Variants in DCPS observed in about 807,000 individuals in gnomAD.
DCPS encodes m7GpppX diphosphatase.
Under a neutral mutation model 34.7 loss-of-function variants are expected in DCPS, and 27 were observed. That is an observed-to-expected ratio of 0.78 (90% CI 0.57 to 1.07). The LOEUF is 1.07. Among genes scored for constraint, DCPS ranks in the 50% least tolerant of loss-of-function variants. The probability of loss-of-function intolerance (pLI) is 0.00; values close to 1 mark genes in which losing one functional copy is unlikely to be tolerated. For missense variants in DCPS, 464 were observed against 436.9 expected, an observed-to-expected ratio of 1.06 and a Z score of -0.55; for synonymous variants, 185 against 185.7, an observed-to-expected ratio of 1.00 and a Z score of 0.03.
chr11:126,337,231 A>C lies in DCPS; in HGVS notation c.523-1055A>C, dbSNP rs558300393. 1 of 152,208 alleles carries C rather than the reference A, an allele frequency of 6.6e-6. No homozygotes were observed. Among genetic ancestry groups the C allele is most frequent in the African/African-American group, 2.4e-5 (1 of 41,512 alleles). 9.4% of individuals were successfully genotyped at this position (152,208 alleles called of 1,614,324 possible). A position where few individuals can be genotyped will look rare whatever the true frequency, so the allele number is the denominator to read the frequency against. On this transcript the variant is annotated intron_variant, in intron 3 of 5. Coordinates refer to ENST00000263579, the MANE Select transcript of DCPS (RefSeq NM_014026.6). The surrounding 1 kb of genome is among the most constrained non-coding windows in gnomAD (Gnocchi z 5.3). ...ATCAGTGAGCTCGGAGACCATTCTGACTGTGAGGAGGAAGGGGCAGTAGTA... is the reference window on the plus strand; with the variant it reads ...ATCAGTGAGCTCGGAGACCATTCTGCCTGTGAGGAGGAAGGGGCAGTAGTA...
chr11:126,344,339 TG>T lies in DCPS; in HGVS notation c.747+923del, dbSNP rs1262031257. Among the ~76,000 whole-genome samples, 2 of 152,168 alleles carry T rather than the reference TG, an allele frequency of 1.3e-5. No homozygotes were observed. Among genetic ancestry groups the T allele is most frequent in the Non-Finnish European group, 2.9e-5 (2 of 68,030 alleles). Reference sequence around the variant, plus strand: ...CTGCCTTTATCTTTGTGGGGTGACTTGTTCAGATCCTGAAGCAGTCTCTGGA... The same window carrying T: ...CTGCCTTTATCTTTGTGGGGTGACTTTTCAGATCCTGAAGCAGTCTCTGGA... On this transcript the variant is annotated intron_variant, in intron 5 of 5. Coordinates refer to ENST00000263579, the MANE Select transcript of DCPS (RefSeq NM_014026.6). This position sits in a 1 kb window ranked among gnomAD's most constrained non-coding sequence, Gnocchi z 8.1.
rs1951840080 is a variant in DCPS, at chr11:126,337,363, C to G, written c.523-923C>G. On this transcript the variant is annotated intron_variant, in intron 3 of 5. Coordinates refer to ENST00000263579, the MANE Select transcript of DCPS (RefSeq NM_014026.6). The surrounding 1 kb of genome is among the most constrained non-coding windows in gnomAD (Gnocchi z 5.3). ...TCATGTTTGCAAAGGGCCCTGAGAG[C>G]CGGGGGAAGTAGAGGAGAGCTGGGG... is the stretch of plus-strand genomic sequence containing the variant. 1 of 152,400 alleles carries G rather than the reference C, an allele frequency of 6.6e-6. No individual in the cohort carries two copies. Among genetic ancestry groups the G allele is most frequent in the African/African-American group, 2.4e-5 (1 of 41,440 alleles). The allele number at this position is 152,400 out of a possible 1,614,324, so 9.4% of individuals were successfully genotyped here. A position where few individuals can be genotyped will look rare whatever the true frequency, so the allele number is the denominator to read the frequency against.
intron 4 of DCPS, among the ~76,000 whole-genome samples, chr11:126,339,441 C>G (rs1490343055): frequency 6.6e-6 from 1 of 152,186 alleles, no homozygotes; most frequent in Non-Finnish European, 1.5e-5. Flanking sequence ...CCTATGACAC[C>G]TTCAGTTTTG....
At chr11:126,310,567 T>C (rs1301998031) in intron 2 of DCPS, among the ~76,000 whole-genome samples, 1 of 152,218 alleles carries the variant, frequency 6.6e-6, no homozygotes, top group African/African-American at 2.4e-5. Context: ...GTTGGAGCCA[T>C]GTCGCCCATA....
chr11:126,331,629 T>C lies in DCPS; in HGVS notation c.522+79T>C. The C allele has an allele frequency of 6.4e-7, 1 of 1,553,486 alleles. No homozygotes were observed. The highest frequency in any genetic ancestry group is 8.7e-7 in the Non-Finnish European group (1 of 1,147,394). On this transcript the variant is annotated intron_variant, in intron 3 of 5. Transcript: ENST00000263579. This position sits in a 1 kb window ranked among gnomAD's most constrained non-coding sequence, Gnocchi z 7.2. ...CTCTTACGAGTGTCTATTGGGGTCA[T>C]ATTAGGGGCCAGGCGCTGTGCTGGG...
chr11:126,343,584 C>T (rs975629279), intron 5 of DCPS, among the ~76,000 whole-genome samples, 167 bp downstream of exon 5: 1 of 152,150 alleles, frequency 6.6e-6, no homozygotes, highest in Non-Finnish European at 1.5e-5. Flanking sequence ...AAGAGCAGGG[C>T]TCTTTGTCCC....
chr11:126,304,333 C>G (rs779494449), intron 1 of DCPS, 52 bp downstream of exon 1: 2 of 1,590,812 alleles, frequency 1.3e-6, no homozygotes, highest in Non-Finnish European at 1.7e-6. Flanking sequence ...AACCAATCAT[C>G]GCCTCGGAGG....
chr11:126,326,552 TTAAAAAAAATTTTCCTAC>T (rs1339879988), intron 2 of DCPS, among the ~76,000 whole-genome samples: 2 of 152,154 alleles, frequency 1.3e-5, no homozygotes, highest in Non-Finnish European at 2.9e-5. Context: ...TATTGACACC[TTAAAAAAAATTTTCCTAC>T]TAAAAAAAAT....
At position 126,344,599 on chromosome 11, in the gene DCPS, TTTCTC is replaced by T. The variant is rs1951902978; in HGVS notation, c.748-744_748-740del. Among the ~76,000 whole-genome samples the T allele has an allele frequency of 1.3e-5, 2 of 152,122 alleles. No individual in the cohort carries two copies. The highest frequency in any genetic ancestry group is 4.8e-5 in the African/African-American group (2 of 41,408). On this transcript the variant is annotated intron_variant, in intron 5 of 5. Transcript: ENST00000263579. This position sits in a 1 kb window ranked among gnomAD's most constrained non-coding sequence, Gnocchi z 8.1. ...CTGAGCCCACTGAGGCCCTAGTACTTTTCTCTTCACCTCTGACCACCTCAGGGATT... is the reference window on the plus strand; with the variant it reads ...CTGAGCCCACTGAGGCCCTAGTACTTTTCACCTCTGACCACCTCAGGGATT...
In DCPS at chr11:126,313,773, G is replaced by A. The variant is rs1382405129; in HGVS notation, c.376+7029G>A. 6.6e-6 allele frequency among the ~76,000 whole-genome samples: 1 copy of A among 152,132 alleles called. No homozygotes were observed. The highest frequency in any genetic ancestry group is 6.5e-5 in the Admixed American group (1 of 15,280). On this transcript the variant is annotated intron_variant, in intron 2 of 5. Coordinates refer to ENST00000263579, the MANE Select transcript of DCPS (RefSeq NM_014026.6). This position sits in a 1 kb window ranked among gnomAD's most constrained non-coding sequence, Gnocchi z 4.9. ...ATGTTAAAATTTCTGGTTATATTCTGTTTCTTGGATTGTGTGTTCTGAGCA... is the reference window on the plus strand; with the variant it reads ...ATGTTAAAATTTCTGGTTATATTCTATTTCTTGGATTGTGTGTTCTGAGCA...
rs531660487 is a variant in DCPS, at chr11:126,325,246, T to C, written c.377-6159T>C. ...ATGACTTATTCCATACACCAAAAAT[T>C]ATGCTGAAGAGAAGAAAATAATCAC... On this transcript the variant is annotated intron_variant, in intron 2 of 5. Coordinates refer to ENST00000263579, the MANE Select transcript of DCPS (RefSeq NM_014026.6). The surrounding 1 kb of genome is among the most constrained non-coding windows in gnomAD (Gnocchi z 4.3). 2.0e-5 allele frequency among the ~76,000 whole-genome samples: 3 copies of C among 152,240 alleles called. No individual in the cohort carries two copies. The highest frequency in any genetic ancestry group is 7.2e-5 in the African/African-American group (3 of 41,548).
chr11:126,346,452 G>A lies in DCPS; in HGVS notation c.*839G>A, dbSNP rs954506635. ...CAGAGGCAGATGTTCAGAGGATCTT[G>A]AGACCAGGAAGGGACCTCAAAGCGT... On this transcript the variant is annotated 3_prime_UTR_variant, in exon 6 of 6. Coordinates refer to ENST00000263579, the MANE Select transcript of DCPS (RefSeq NM_014026.6). This position sits in a 1 kb window ranked among gnomAD's most constrained non-coding sequence, Gnocchi z 4.1. Among the ~76,000 whole-genome samples the A allele has an allele frequency of 1.3e-5, 2 of 152,248 alleles. No individual in the cohort carries two copies. The highest frequency in any genetic ancestry group is 4.8e-5 in the African/African-American group (2 of 41,470).
rs185808365 is a variant in DCPS, at chr11:126,327,710, T to A, written c.377-3695T>A. On this transcript the variant is annotated intron_variant, in intron 2 of 5. Transcript: ENST00000263579. The surrounding 1 kb of genome is among the most constrained non-coding windows in gnomAD (Gnocchi z 4.1). ...AATATATTGATTTGTATCAGAGAGGTTTTATTTCATCTGGGACAAAAATGC... is the reference window on the plus strand; with the variant it reads ...AATATATTGATTTGTATCAGAGAGGATTTATTTCATCTGGGACAAAAATGC... 2.0e-5 allele frequency among the ~76,000 whole-genome samples: 3 copies of A among 152,256 alleles called. No homozygotes were observed. The East Asian group carries it at 5.8e-4, about 29-fold the overall frequency.
At position 126,336,660 on chromosome 11, in the gene DCPS, C is replaced by T. The variant is rs1370307365; in HGVS notation, c.523-1626C>T. On this transcript the variant is annotated intron_variant, in intron 3 of 5. Transcript: ENST00000263579. This position sits in a 1 kb window ranked among gnomAD's most constrained non-coding sequence, Gnocchi z 6.3. ...TGTAGGGAATGCCGTCTCCCTCCCT[C>T]CCTTGTATTTCCGCTGGCTTCCTCT... The T allele has an allele frequency of 6.6e-6, 1 of 152,306 alleles. No homozygotes were observed. The highest frequency in any genetic ancestry group is 1.5e-5 in the Non-Finnish European group (1 of 68,132). The allele number at this position is 152,306 out of a possible 1,614,324, so 9.4% of individuals were successfully genotyped here.
In DCPS at chr11:126,315,572, AAAAAG is replaced by A. The variant is rs772376188; in HGVS notation, c.376+8830_376+8834del. On this transcript the variant is annotated intron_variant, in intron 2 of 5. Coordinates refer to ENST00000263579, the MANE Select transcript of DCPS (RefSeq NM_014026.6). The surrounding 1 kb of genome is among the most constrained non-coding windows in gnomAD (Gnocchi z 6.1). ...AAAACCCTGTCTCTTAAAAAAAAAT[AAAAAG>A]AGAAAAGAAAACCAGTAAAACCATT... Among the ~76,000 whole-genome samples, 19 of 152,180 alleles carry A rather than the reference AAAAAG, an allele frequency of 1.2e-4. 1 individual carries two copies. In the East Asian group the frequency reaches 3.1e-3, roughly 25 times the overall value.
In DCPS at chr11:126,346,202, G is replaced by A. The variant is rs996937588; in HGVS notation, c.*589G>A. ...GATAGGGGCTTGGTGCCTGGAAATC[G>A]GCGGGTTTTAATAAGAATCAGATTA... is the stretch of plus-strand genomic sequence containing the variant. On this transcript the variant is annotated 3_prime_UTR_variant, in exon 6 of 6. Transcript: ENST00000263579. This position sits in a 1 kb window ranked among gnomAD's most constrained non-coding sequence, Gnocchi z 4.1. Among the ~76,000 whole-genome samples the A allele has an allele frequency of 6.6e-6, 1 of 152,134 alleles. No individual in the cohort carries two copies. The highest frequency in any genetic ancestry group is 1.5e-5 in the Non-Finnish European group (1 of 68,022).
Position 126,329,272 on chromosome 11 carries a change from T to A in DCPS, c.377-2133T>A, listed in dbSNP as rs1951764421. 6.6e-6 allele frequency among the ~76,000 whole-genome samples: 1 copy of A among 152,238 alleles called. No individual in the cohort carries two copies. Among genetic ancestry groups the A allele is most frequent in the South Asian group, 2.1e-4 (1 of 4,834 alleles). The stretch of plus-strand genomic sequence containing the variant: ...GTGAGGAGGCCTTCATGCCCCTTTT[T>A]CAGGGTCAGATCCGGGGATTCCCAG... On this transcript the variant is annotated intron_variant, in intron 2 of 5. Transcript: ENST00000263579. This position sits in a 1 kb window ranked among gnomAD's most constrained non-coding sequence, Gnocchi z 5.0.
Position 126,345,449 on chromosome 11 carries a change from G to A in DCPS, c.850G>A (p.Gly284Ser). Residue 284 changes from glycine (G) to serine (S), a missense_variant, in exon 6 of 6, where the codon GGC (glycine) becomes AGC (serine). Coordinates refer to ENST00000263579, the MANE Select transcript of DCPS (RefSeq NM_014026.6). The surrounding 1 kb of genome is among the most constrained non-coding windows in gnomAD (Gnocchi z 7.4). ...YHLHVHFTALGFEAPGSGVER... is the reference protein window; with the variant it reads ...YHLHVHFTALSFEAPGSGVER... Reference sequence around the variant, plus strand: ...CCTGCATGTGCACTTCACCGCCCTGGGCTTCGAGGCCCCCGGCTCAGGCGT... The same window carrying A: ...CCTGCATGTGCACTTCACCGCCCTGAGCTTCGAGGCCCCCGGCTCAGGCGT... The A allele has an allele frequency of 6.2e-7, 1 of 1,614,166 alleles. No individual in the cohort carries two copies.
rs1591395228 is a variant in DCPS at position 126,346,818 on chromosome 11, T to G, written c.*1205T>G. On this transcript the variant is annotated 3_prime_UTR_variant, in exon 6 of 6. Transcript: ENST00000263579. The surrounding 1 kb of genome is among the most constrained non-coding windows in gnomAD (Gnocchi z 4.1). ...CCTTTACTGCAGGTGGTAGCCCAGG[T>G]GCAGCCAACCTGCTTCAGGGTCTCA... is the stretch of plus-strand genomic sequence containing the variant. Among the ~76,000 whole-genome samples, 1 of 152,184 alleles carries G rather than the reference T, an allele frequency of 6.6e-6. No homozygotes were observed. The highest frequency in any genetic ancestry group is 1.9e-4 in the East Asian group (1 of 5,180).
Sources: gnomAD v4.1 joint callset for allele counts (sites outside exome capture counted in the v4.1 genomes callset) on GRCh38, gnomAD v4.1.1 for gene constraint, Gnocchi (gnomAD v3.1) non-coding constraint, MANE v1.5 for transcripts, NCBI Gene and HGNC (gene_info 2026-07-23, HGNC 2026-07-21) for gene names.